PTPRT: variants seen among roughly 807,000 people sequenced by gnomAD.
The protein encoded by PTPRT is receptor-type tyrosine-protein phosphatase T.
In PTPRT, 56 loss-of-function variants were observed where a neutral mutation model predicts 176.8. That is an observed-to-expected ratio of 0.32 (90% CI 0.26 to 0.40). PTPRT has a LOEUF of 0.40. Ranked by LOEUF, PTPRT falls within the 10% of genes least tolerant of loss-of-function variation. The pLI is 1.00. For missense variants in PTPRT, 1,540 were observed against 1,908.2 expected (o/e 0.81, Z 3.60); for synonymous variants, 783 against 739.0 (o/e 1.06, Z -0.96).
chr20:42,474,045 G>C (rs545828235), intron 7 of PTPRT, among the ~76,000 whole-genome samples: 1 of 152,284 alleles, frequency 6.6e-6, no homozygotes, highest in South Asian at 2.1e-4. Flanking sequence ...AAAGCAGTTA[G>C]AACTCAAACT....
chr20:42,666,493 C>G (rs1033511674), intron 7 of PTPRT, among the ~76,000 whole-genome samples: 1 of 152,090 alleles, frequency 6.6e-6, no homozygotes, highest in Non-Finnish European at 1.5e-5. Flanking sequence ...TCTAAGTGCT[C>G]TTGACTTCTT....
At chr20:42,770,281 C>T (rs1332639217) in intron 5 of PTPRT, among the ~76,000 whole-genome samples, 1 of 152,096 alleles carries the variant, frequency 6.6e-6, no homozygotes, top group Non-Finnish European at 1.5e-5. Flanking sequence ...CGCCACCACG[C>T]CCAGCTAATT....
intron 2 of PTPRT, among the ~76,000 whole-genome samples, chr20:42,857,744 C>T (rs140698398): frequency 6.6e-5 from 10 of 152,310 alleles, no homozygotes; most frequent in Admixed American, 2.0e-4. Context: ...CATCCAACAT[C>T]GTACTTATTC....
chr20:42,285,312 G>T (rs1373814446), intron 12 of PTPRT, among the ~76,000 whole-genome samples: 1 of 151,948 alleles, frequency 6.6e-6, no homozygotes, highest in Non-Finnish European at 1.5e-5. Flanking sequence ...TGGTTAGAAT[G>T]ATCTTCCACT....
At chr20:42,639,737 T>A (rs2074694963) in intron 7 of PTPRT, among the ~76,000 whole-genome samples, 1 of 152,092 alleles carries the variant, frequency 6.6e-6, no homozygotes, top group African/African-American at 2.4e-5. Flanking sequence ...CACAAACCAA[T>A]CAAAAGATTT....
the PTPRT span, among the ~76,000 whole-genome samples, chr20:42,044,096 C>T: frequency 6.6e-6 from 1 of 152,210 alleles, no homozygotes; most frequent in Non-Finnish European, 1.5e-5. Flanking sequence ...AAGGAAGTCA[C>T]AGTCAAATGA....
intron 1 of PTPRT, among the ~76,000 whole-genome samples, chr20:43,053,790 A>G (rs947412254): frequency 4.6e-5 from 7 of 152,222 alleles, no homozygotes; most frequent in African/African-American, 1.4e-4. Flanking sequence ...GCTCACCGCT[A>G]TAACCCCATG....
At chr20:42,700,729 T>A (rs951246048) in intron 6 of PTPRT, among the ~76,000 whole-genome samples, 5 of 152,176 alleles carry the variant, frequency 3.3e-5, no homozygotes, top group African/African-American at 4.8e-5. Flanking sequence ...TGGCCTGGGA[T>A]AAGTCACCAT....
intron 7 of PTPRT, among the ~76,000 whole-genome samples, chr20:42,499,709 C>T (rs1043582199): frequency 1.3e-5 from 2 of 152,142 alleles, no homozygotes; most frequent in African/African-American, 2.4e-5. Context: ...TATTTCTGGG[C>T]TGCATGATGC....
chr20:42,611,215 T>C (rs1427273788), intron 7 of PTPRT, among the ~76,000 whole-genome samples: 1 of 152,222 alleles, frequency 6.6e-6, no homozygotes, highest in South Asian at 2.1e-4. Context: ...CATGGAACTG[T>C]ACATTTAACT....
intron 12 of PTPRT, among the ~76,000 whole-genome samples, chr20:42,293,618 C>G (rs1046286255): frequency 3.3e-5 from 5 of 152,108 alleles, no homozygotes; most frequent in African/African-American, 4.8e-5. Context: ...TCATGACTCC[C>G]AAAGTACTTT....
chr20:42,459,050 C>T (rs2070972493), intron 8 of PTPRT, among the ~76,000 whole-genome samples: 1 of 152,084 alleles, frequency 6.6e-6, no homozygotes, highest in Non-Finnish European at 1.5e-5. Flanking sequence ...CTGTAGGAGA[C>T]TTCCAGTTTT....
In PTPRT at chr20:43,089,537, A is replaced by T. The variant is rs531277492; in HGVS notation, c.88+100109T>A. 3.3e-5 allele frequency among the ~76,000 whole-genome samples: 5 copies of T among 152,354 alleles called. No individual in the cohort carries two copies. The South Asian group carries it at 1.0e-3, about 32-fold the overall frequency. On this transcript the variant is annotated intron_variant, in intron 1 of 30. Transcript: ENST00000373187. The stretch of plus-strand genomic sequence containing the variant: ...CACTGATATCCCAGTAAATAACTAC[A>T]AGTGAGACAATATCATAAAATCACT...
chr20:43,180,341 A>ATCAATCTCTCTCTC (rs372896995), intron 1 of PTPRT, among the ~76,000 whole-genome samples: 1 of 115,018 alleles, frequency 8.7e-6, no homozygotes, highest in Admixed American at 8.8e-5. Context: ...AAATGAATCA[A>ATCAATCTCTCTCTC]TCTCTCTCTC....
At chr20:43,063,490 C>G (rs538417279) in intron 1 of PTPRT, 1 of 152,206 alleles carries the variant, frequency 6.6e-6, no homozygotes. Flanking sequence ...TGACCATCCC[C>G]GAGAGAGTAG....
intron 2 of PTPRT, among the ~76,000 whole-genome samples, chr20:42,875,790 T>C (rs1400854286): frequency 1.3e-5 from 2 of 152,236 alleles, no homozygotes; most frequent in Non-Finnish European, 2.9e-5. Flanking sequence ...GCCTGGACCC[T>C]TTCCAAGGGC....
chr20:42,592,483 C>T (rs896879359), intron 7 of PTPRT, among the ~76,000 whole-genome samples: 23 of 152,310 alleles, frequency 1.5e-4, no homozygotes, highest in African/African-American at 5.1e-4. Context: ...GGGCCATAGG[C>T]CCCACTCTCA....
chr20:42,374,431 T>G (rs1224175916), intron 9 of PTPRT, among the ~76,000 whole-genome samples: 2 of 151,300 alleles, frequency 1.3e-5, no homozygotes, highest in Non-Finnish European at 3.0e-5. Flanking sequence ...TGTACCTTAA[T>G]AAACCCAGTG....
chr20:42,338,512 T>C (rs2058070434), intron 11 of PTPRT, among the ~76,000 whole-genome samples: 1 of 152,204 alleles, frequency 6.6e-6, no homozygotes, highest in Non-Finnish European at 1.5e-5. Flanking sequence ...CAACTATTCT[T>C]GGAAACTAAT....
Sources: allele counts gnomAD v4.1 joint callset (sites outside exome capture counted in the v4.1 genomes callset), GRCh38; gene constraint gnomAD v4.1.1; transcripts MANE v1.5; gene names NCBI Gene and HGNC (gene_info 2026-07-23, HGNC 2026-07-21).